Variants in CBR4 observed in about 807,000 individuals in gnomAD.
The protein encoded by CBR4 is carbonyl reductase 4.
In CBR4, 22 loss-of-function variants were observed where a neutral mutation model predicts 21.0. That is an observed-to-expected ratio of 1.05 (90% CI 0.75 to 1.50). The LOEUF is 1.50. Among genes scored for constraint, CBR4 ranks in the 40% most tolerant of loss-of-function variants. The pLI is 0.00. For synonymous variants in CBR4, 100 were observed against 104.4 expected (o/e 0.96, Z 0.26); for missense variants, 302 against 286.3 (o/e 1.05, Z -0.40).
chr4:168,910,077 C>T (rs1582100968), intron 2 of CBR4, among the ~76,000 whole-genome samples: 1 of 152,076 alleles, frequency 6.6e-6, no homozygotes, highest in South Asian at 2.1e-4. Flanking sequence ...CAAATGATAA[C>T]TATTCCTTTT....
At chr4:168,957,901 G>T (rs886945575) in intron 2 of CBR4, among the ~76,000 whole-genome samples, 1 of 152,094 alleles carries the variant, frequency 6.6e-6, no homozygotes, top group East Asian at 1.9e-4. Context: ...TTTATAAGGG[G>T]TTTTCCCTGC....
At chr4:168,925,881 A>G (rs1431015881) in intron 2 of CBR4, among the ~76,000 whole-genome samples, 1 of 152,138 alleles carries the variant, frequency 6.6e-6, no homozygotes, top group Non-Finnish European at 1.5e-5. Context: ...TTTAGAGAAA[A>G]TATTTTTTAA....
chr4:168,995,085 C>T (rs1424907973), intron 4 of CBR4, among the ~76,000 whole-genome samples: 3 of 152,100 alleles, frequency 2.0e-5, no homozygotes, highest in Admixed American at 1.3e-4. Context: ...TACAACACTA[C>T]GATTCAAAGA....
intron 2 of CBR4, among the ~76,000 whole-genome samples, chr4:168,978,219 T>C (rs1034783063): frequency 6.6e-5 from 10 of 152,352 alleles, no homozygotes; most frequent in Admixed American, 2.0e-4. Context: ...TTACCCATGC[T>C]GTTCCTTCTG....
At chr4:168,993,124 A>T (rs982489231) in intron 4 of CBR4, among the ~76,000 whole-genome samples, 1 of 152,194 alleles carries the variant, frequency 6.6e-6, no homozygotes, top group African/African-American at 2.4e-5. Flanking sequence ...GAGCCACAAT[A>T]ATCAACAGGC....
intron 4 of CBR4, 33 bp downstream of exon 4, chr4:169,002,038 T>A: frequency 1.3e-6 from 2 of 1,511,492 alleles, no homozygotes; most frequent in Non-Finnish European, 1.8e-6. Context: ...ACAATAATCA[T>A]AATCAAGTTA....
chr4:168,927,281 C>CAGGAGAGGTAG, intron 2 of CBR4: 1 of 231,192 alleles, frequency 4.3e-6, no homozygotes, highest in South Asian at 1.8e-4. Context: ...GTAGAAGGCA[C>CAGGAGAGGTAG]AGGAGAGGTA....
rs558402761 is a variant in CBR4 at position 168,971,756 on chromosome 4, CTGAT to C, written n.169+30311_169+30314del. 2.3e-3 allele frequency among the ~76,000 whole-genome samples: 345 copies of C among 152,220 alleles called. 7 individuals carry two copies. Among genetic ancestry groups the C allele is most frequent in the East Asian group, 5.8e-4 (3 of 5,184 alleles). On this transcript the variant is annotated intron_variant and non_coding_transcript_variant, in intron 2 of 3. Coordinates refer to the CBR4 transcript ENST00000509108. ...CCCACTCTGTGAGTTGTTTACGCTG[CTGAT>C]TATTTCTTTTGCTGTGCAGAAGCTT...
chr4:168,999,025 C>G (rs1313286723), intron 4 of CBR4, among the ~76,000 whole-genome samples: 1 of 152,070 alleles, frequency 6.6e-6, no homozygotes, highest in African/African-American at 2.4e-5. Context: ...ACAGCCATTA[C>G]AGTTTCCATT....
chr4:168,997,056 T>C (rs1338200931), intron 4 of CBR4, among the ~76,000 whole-genome samples: 1 of 151,716 alleles, frequency 6.6e-6, no homozygotes, highest in Non-Finnish European at 1.5e-5. Flanking sequence ...CCCCATATCA[T>C]TCTTTCACTT....
chr4:168,905,121 T>C (rs1433010585), intron 2 of CBR4, among the ~76,000 whole-genome samples: 3 of 150,112 alleles, frequency 2.0e-5, no homozygotes, highest in Non-Finnish European at 3.0e-5. Context: ...AGTGAGACTT[T>C]GTTTTTTGTT....
chr4:168,985,389 C>A (rs1362617540), downstream of CBR4, among the ~76,000 whole-genome samples: 1 of 152,100 alleles, frequency 6.6e-6, no homozygotes, highest in Non-Finnish European at 1.5e-5. Flanking sequence ...AGCTAAAAAA[C>A]AACAGATGCT....
intron 2 of CBR4, among the ~76,000 whole-genome samples, chr4:168,947,000 T>C (rs1246579282): frequency 6.6e-6 from 1 of 152,164 alleles, no homozygotes; most frequent in Middle Eastern, 3.2e-3. Flanking sequence ...ATATATACCT[T>C]AGCAATTTAT....
chr4:168,949,338 C>T (rs951556636), intron 2 of CBR4, among the ~76,000 whole-genome samples: 1 of 152,034 alleles, frequency 6.6e-6, no homozygotes, highest in African/African-American at 2.4e-5. Flanking sequence ...TCTTCTTTAC[C>T]GATTTGGATA....
intron 3 of CBR4, among the ~76,000 whole-genome samples, chr4:169,002,681 T>C (rs954760117): frequency 3.3e-5 from 5 of 152,108 alleles, no homozygotes; most frequent in African/African-American, 1.2e-4. Context: ...CTCACTAAAA[T>C]TGAATTACAT....
intron 3 of CBR4, 91 bp from the exon 4 acceptor site, chr4:169,002,296 AAAGGT>A: frequency 8.0e-7 from 1 of 1,251,796 alleles, no homozygotes; most frequent in African/African-American, 1.6e-5. Context: ...TAGTAAACAA[AAAGGT>A]AAAACCCACT....
intron 2 of CBR4, among the ~76,000 whole-genome samples, chr4:168,922,143 A>C (rs973034174): frequency 6.8e-6 from 1 of 147,902 alleles, no homozygotes; most frequent in African/African-American, 2.5e-5. Flanking sequence ...ACACACACAC[A>C]CCTGGTTTTT....
chr4:168,950,445 T>C (rs1032064785), intron 2 of CBR4, among the ~76,000 whole-genome samples: 1 of 152,236 alleles, frequency 6.6e-6, no homozygotes, highest in South Asian at 2.1e-4. Context: ...TATTCCACTG[T>C]GGTCTGAGAG....
chr4:168,959,807 C>T (rs1192887858), intron 2 of CBR4, among the ~76,000 whole-genome samples: 9 of 151,502 alleles, frequency 5.9e-5, no homozygotes, highest in Non-Finnish European at 1.2e-4. Flanking sequence ...TCGTAATCCA[C>T]CTGCCTCGGC....
Sources: gnomAD v4.1 joint callset for allele counts (sites outside exome capture counted in the v4.1 genomes callset) on GRCh38, gnomAD v4.1.1 for gene constraint, MANE v1.5 for transcripts, NCBI Gene and HGNC (gene_info 2026-07-23, HGNC 2026-07-21) for gene names.